The following CUL4A variants were observed in gnomAD, a reference collection of about 807,000 sequenced individuals.
The protein encoded by CUL4A is cullin-4A.
CUL4A carries 16 observed loss-of-function variants against 95.5 expected under a neutral mutation model. The ratio of observed to expected loss-of-function variants is 0.17; its 90% CI spans 0.11 to 0.25. The LOEUF (loss-of-function observed/expected upper bound fraction) is 0.25. Among genes scored for constraint, CUL4A ranks in the 10% least tolerant of loss-of-function variants. The probability of loss-of-function intolerance (pLI) is 1.00; values close to 1 mark genes in which losing one functional copy is unlikely to be tolerated. For missense variants in CUL4A, 610 were observed against 937.0 expected, an observed-to-expected ratio of 0.65 and a Z score of 4.56; for synonymous variants, 380 against 353.1, an observed-to-expected ratio of 1.08 and a Z score of -0.85.
At position 113,254,968 on chromosome 13, in the gene CUL4A, G is replaced by A. The variant is rs771850019; in HGVS notation, c.1874G>A (p.Arg625His). The A allele has an allele frequency of 3.9e-5, 63 of 1,612,536 alleles. No individual in the cohort carries two copies. The highest frequency in any genetic ancestry group is 4.7e-5 in the Non-Finnish European group (56 of 1,179,362). The stretch of plus-strand genomic sequence containing the variant: ...TCCCATTCAGAGGATAGTGAATTGC[G>A]CAGAACGCTGCAGTCCCTGGCCTGT... ...MATGIEDSEL[R>H]RTLQSLACGK... is the part of the protein sequence containing the mutation. Residue 625 changes from arginine to histidine, a missense_variant, in exon 18 of 20, where the codon CGC (arginine) becomes CAC (histidine). Physicochemically the swap from Arg to His is conservative, Grantham distance 29. Coordinates refer to ENST00000375440, the MANE Select transcript of CUL4A (RefSeq NM_001008895.4).
At position 113,237,207 on chromosome 13, in the gene CUL4A, A is replaced by G. The variant is rs11843530; in HGVS notation, c.916+317A>G. ...CTGTTGCAGCTCTCTGAGCAGACTC[A>G]TTTCCTGTGTCCGGCCGTTCTTCAT... On this transcript the variant is annotated intron_variant, in intron 9 of 19. Transcript: ENST00000375440. 9.7e-3 allele frequency among the ~76,000 whole-genome samples: 1,478 copies of G among 152,208 alleles called. 28 individuals are homozygous for G. The highest frequency in any genetic ancestry group is 0.034 in the African/African-American group (1,394 of 41,524).
At chr13:113,251,260 G>C (rs1052093227) in intron 15 of CUL4A, among the ~76,000 whole-genome samples, 4 of 152,198 alleles carry the variant, frequency 2.6e-5, no homozygotes, top group Admixed American at 2.6e-4. Context: ...GATGGGATAT[G>C]GGATCCAGCA....
intron 4 of CUL4A, among the ~76,000 whole-genome samples, chr13:113,229,166 C>G (rs371787976): frequency 2.0e-5 from 3 of 152,194 alleles, no homozygotes; most frequent in East Asian, 3.9e-4. Context: ...ATCCTTTAGG[C>G]CTTGGCTGAA....
At chr13:113,213,057 A>G (rs184134540) in intron 2 of CUL4A, among the ~76,000 whole-genome samples, 151 of 152,276 alleles carry the variant, frequency 9.9e-4, no homozygotes, top group Admixed American at 2.5e-3. Flanking sequence ...GACGGTATAT[A>G]GAATCTACAG....
At chr13:113,232,372 C>T (rs1362463056) in intron 5 of CUL4A, among the ~76,000 whole-genome samples, 1 of 152,206 alleles carries the variant, frequency 6.6e-6, no homozygotes, top group African/African-American at 2.4e-5. Flanking sequence ...ACTGCCACCA[C>T]CACCTGTCCA....
upstream of CUL4A, chr13:113,208,406 G>A (rs1217916997): frequency 6.1e-6 from 9 of 1,478,048 alleles, no homozygotes; most frequent in Non-Finnish European, 6.3e-6. Context: ...CGGCCCTGCA[G>A]GGGAGAACTC....
chr13:113,208,996 T>G (rs2040197681), upstream of CUL4A: 7 of 803,046 alleles, frequency 8.7e-6, no homozygotes, highest in South Asian at 5.0e-5. Context: ...CGGAGGACCC[T>G]CCGCGCCTGG....
At chr13:113,250,042 A>G (rs893313490) in intron 15 of CUL4A, among the ~76,000 whole-genome samples, 5 of 152,190 alleles carry the variant, frequency 3.3e-5, no homozygotes, top group Non-Finnish European at 7.3e-5. Flanking sequence ...TCTGTGGGCT[A>G]TCTTTTTACT....
intron 18 of CUL4A, among the ~76,000 whole-genome samples, chr13:113,257,560 A>G (rs964703528): frequency 2.0e-5 from 3 of 152,154 alleles, no homozygotes; most frequent in African/African-American, 7.2e-5. Context: ...ATGAGCAAGA[A>G]CAGGGAGGGA....
intron 3 of CUL4A, among the ~76,000 whole-genome samples, chr13:113,222,992 A>C (rs1465528887): frequency 1.3e-5 from 2 of 152,178 alleles, no homozygotes; most frequent in Non-Finnish European, 2.9e-5. Flanking sequence ...TCTTGTGGGA[A>C]TCGAGGGGCG....
chr13:113,229,441 G>T lies in CUL4A; in HGVS notation c.439-5G>T. 3.1e-6 allele frequency: 5 copies of T among 1,612,804 alleles called. No individual in the cohort carries two copies. Among genetic ancestry groups the T allele is most frequent in the Non-Finnish European group, 4.2e-6 (5 of 1,179,532 alleles). On this transcript the variant is annotated splice_region_variant and splice_polypyrimidine_tract_variant and intron_variant, in intron 4 of 19. Coordinates refer to ENST00000375440, the MANE Select transcript of CUL4A (RefSeq NM_001008895.4). ...AAGTAAATGGTTCTCCTTTCTGCTG[G>T]TCAGATCATGATCAGAAGCATCTTC...
chr13:113,210,128 C>G (rs1199362123), intron 2 of CUL4A, 40 bp downstream of exon 2: 8 of 1,359,826 alleles, frequency 5.9e-6, no homozygotes, highest in African/African-American at 1.5e-5. Flanking sequence ...GCTCCTGCCC[C>G]GCGTGACGCA....
At position 113,264,496 on chromosome 13, in the gene CUL4A, G is replaced by C. The variant is rs141984200; in HGVS notation, c.*914G>C. 1 of 152,364 alleles carries C rather than the reference G, an allele frequency of 6.6e-6. No individual in the cohort carries two copies. The highest frequency in any genetic ancestry group is 2.4e-5 in the African/African-American group (1 of 41,450). The allele number at this position is 152,364 out of a possible 1,614,324, so 9.4% of individuals were successfully genotyped here. A position where few individuals can be genotyped will look rare whatever the true frequency, so the allele number is the denominator to read the frequency against. On this transcript the variant is annotated 3_prime_UTR_variant, in exon 20 of 20. Coordinates refer to ENST00000375440, the MANE Select transcript of CUL4A (RefSeq NM_001008895.4). ...TATGGAGACTTAAAGTCTTGATGTT[G>C]TGAAGCAGAGGTTATTTTGTGGAAA...
chr13:113,250,411 C>T (rs966592000), intron 15 of CUL4A, among the ~76,000 whole-genome samples: 1 of 152,228 alleles, frequency 6.6e-6, no homozygotes, highest in South Asian at 2.1e-4. Context: ...GTGATGGAGC[C>T]GCTGTACTCC....
chr13:113,241,329 ATAG>A (rs2041703234), intron 10 of CUL4A, among the ~76,000 whole-genome samples: 2 of 152,160 alleles, frequency 1.3e-5, no homozygotes, highest in Admixed American at 6.5e-5. Flanking sequence ...CTGTAACAAA[ATAG>A]TAGTTTATAT....
At chr13:113,223,412 G>T (rs957830986) in intron 3 of CUL4A, among the ~76,000 whole-genome samples, 7 of 152,084 alleles carry the variant, frequency 4.6e-5, no homozygotes, top group African/African-American at 1.7e-4. Flanking sequence ...TTGTTGTTTT[G>T]AGACGGAGTT....
upstream of CUL4A, chr13:113,209,024 G>GGC (rs1053833493): frequency 1.7e-6 from 1 of 595,236 alleles, no homozygotes; most frequent in South Asian, 7.4e-5. Context: ...AGGGCCTCGG[G>GGC]GCGCGCGCGC....
At chr13:113,233,751 G>A (rs2041444865) in intron 6 of CUL4A, 146 bp from the exon 7 acceptor site, 1 of 644,576 alleles carries the variant, frequency 1.6e-6, no homozygotes, top group Non-Finnish European at 2.8e-6. Context: ...TTTTGGGAAG[G>A]ACAGTGCAGC....
rs985856718 is a variant in CUL4A at position 113,266,503 on chromosome 13, C to A, written c.*2921C>A. On this transcript the variant is annotated 3_prime_UTR_variant, in exon 20 of 20. Transcript: ENST00000375440. ...AGATGTAAAACCTTCCTTTAAAACA[C>A]AAGCGGATTCTAAAGTTAAAACAGA... is the stretch of plus-strand genomic sequence containing the variant. 1.3e-5 allele frequency: 2 copies of A among 152,210 alleles called. No homozygotes were observed. Among genetic ancestry groups the A allele is most frequent in the African/African-American group, 4.8e-5 (2 of 41,450 alleles). The allele number at this position is 152,210 out of a possible 1,614,324, so 9.4% of individuals were successfully genotyped here. A position where few individuals can be genotyped will look rare whatever the true frequency, so the allele number is the denominator to read the frequency against.
Sources: allele counts gnomAD v4.1 joint callset (sites outside exome capture counted in the v4.1 genomes callset), GRCh38; gene constraint gnomAD v4.1.1; transcripts MANE v1.5; gene names NCBI Gene and HGNC (gene_info 2026-07-23, HGNC 2026-07-21).